CLEC1A: variants seen among roughly 807,000 people sequenced by gnomAD.
CLEC1A encodes C-type lectin domain family 1 member A, also known as C-type lectin-like receptor-1.
In CLEC1A, 34 loss-of-function variants were observed where a neutral mutation model predicts 28.7. The observed-to-expected ratio is 1.18, with a 90% CI of 0.90 to 1.57. CLEC1A has a LOEUF of 1.57. Among genes scored for constraint, CLEC1A ranks in the 40% most tolerant of loss-of-function variants. CLEC1A has a pLI of 0.00. For missense variants in CLEC1A, 385 were observed against 339.5 expected (o/e 1.13, Z -1.05); for synonymous variants, 116 against 121.0 (o/e 0.96, Z 0.27).
rs529127911 is a variant in CLEC1A at position 10,085,041 on chromosome 12, T to C, written c.215-3628A>G. Among the ~76,000 whole-genome samples, 7 of 152,104 alleles carry C rather than the reference T, an allele frequency of 4.6e-5. No homozygotes were observed. In the South Asian group the frequency reaches 1.2e-3, roughly 27 times the overall value. On this transcript the variant is annotated intron_variant, in intron 2 of 5. Transcript: ENST00000315330. ...TTCATAAATGAAAGAGAGATAATGT[T>C]TTTTTCAGAGAAACAAATGCTGCAA... is the stretch of plus-strand genomic sequence containing the variant.
chr12:10,098,752 C>A (rs1591927127), intron 1 of CLEC1A, 56 bp downstream of exon 1: 1 of 1,074,658 alleles, frequency 9.3e-7, no homozygotes, highest in Admixed American at 2.1e-5. Context: ...AGGGATAGAT[C>A]ATCTCACACA....
intron 1 of CLEC1A, among the ~76,000 whole-genome samples, chr12:10,096,547 T>A (rs1476641300): frequency 6.6e-6 from 1 of 152,156 alleles, no homozygotes; most frequent in Non-Finnish European, 1.5e-5. Context: ...TGCAAAATTT[T>A]GTTTCTCCCT....
At position 10,075,635 on chromosome 12, in the gene CLEC1A, T is replaced by C; in HGVS notation, c.412A>G (p.Thr138Ala). Reference sequence around the variant, plus strand: ...TCTCCATGCCATTTCCATTGTTCTGTACAAGGGCTGCACCTGTGTGCTTGG... The same window carrying C: ...TCTCCATGCCATTTCCATTGTTCTGCACAAGGGCTGCACCTGTGTGCTTGG... ...KAGAHRCSPC[T>A]EQWKWHGDNC... Residue 138 changes from threonine (T) to alanine (A), a missense_variant, in exon 4 of 6, where the codon ACA becomes GCA. Thr to Ala is a moderately conservative substitution (Grantham distance 58). Transcript: ENST00000315330. The C allele has an allele frequency of 6.2e-7, 1 of 1,614,010 alleles. No homozygotes were observed. The highest frequency in any genetic ancestry group is 8.5e-7 in the Non-Finnish European group (1 of 1,179,904).
chr12:10,092,747 GA>G (rs940072693), intron 1 of CLEC1A, among the ~76,000 whole-genome samples: 22 of 151,400 alleles, frequency 1.5e-4, no homozygotes, highest in Admixed American at 1.1e-3. Context: ...TTCATGAAAA[GA>G]AAAAAAATAC....
At chr12:10,083,986 C>T (rs982210776) in intron 2 of CLEC1A, among the ~76,000 whole-genome samples, 1 of 112,378 alleles carries the variant, frequency 8.9e-6, no homozygotes. Flanking sequence ...CCCAATCTGA[C>T]AAAGACAAAG....
At chr12:10,098,776 G>T in intron 1 of CLEC1A, 32 bp downstream of exon 1, 1 of 1,387,426 alleles carries the variant, frequency 7.2e-7, no homozygotes, top group Non-Finnish European at 1.0e-6. Context: ...CACAAGGACT[G>T]TGGTCTATTT....
intron 3 of CLEC1A, among the ~76,000 whole-genome samples, chr12:10,080,104 T>A (rs1332188350): frequency 6.6e-6 from 1 of 151,700 alleles, no homozygotes; most frequent in Admixed American, 6.6e-5. Context: ...AGGTTGGGAG[T>A]TCAAGACCAG....
At chr12:10,088,861 T>G (rs2137362310) in intron 2 of CLEC1A, among the ~76,000 whole-genome samples, 1 of 152,220 alleles carries the variant, frequency 6.6e-6, no homozygotes, top group South Asian at 2.1e-4. Context: ...AATAAATGAT[T>G]TTTTTTAAAC....
intron 2 of CLEC1A, among the ~76,000 whole-genome samples, chr12:10,086,869 A>C (rs570375339): frequency 5.3e-5 from 8 of 152,186 alleles, no homozygotes; most frequent in Non-Finnish European, 8.8e-5. Flanking sequence ...ACTACAGACC[A>C]ATATCCCTGA....
chr12:10,095,668 A>G (rs1359863141), intron 1 of CLEC1A, among the ~76,000 whole-genome samples: 1 of 152,206 alleles, frequency 6.6e-6, no homozygotes, highest in Non-Finnish European at 1.5e-5. Flanking sequence ...AAATTGTTAA[A>G]TAATCATTTT....
intron 1 of CLEC1A, among the ~76,000 whole-genome samples, chr12:10,093,851 C>T (rs1947741218): frequency 1.3e-5 from 2 of 152,182 alleles, no homozygotes; most frequent in South Asian, 2.1e-4. Flanking sequence ...TTCCTTAATC[C>T]TCACATATGG....
chr12:10,089,136 G>C lies in CLEC1A; in HGVS notation c.202C>G (p.Leu68Val), dbSNP rs773506085. ...AGCGCAGACTTACACAAAAGCCCCA[G>C]GGCTGCCAGCCCTATCAGCAGCACC... ...CLVLLIGLAA[L>V]GLLFFQYYQL... is the part of the protein sequence containing the mutation. Residue 68 changes from leucine to valine, a missense_variant, in exon 2 of 6, where the codon CTG (leucine) becomes GTG (valine). Physicochemically the swap from Leu to Val is conservative, Grantham distance 32. Coordinates refer to ENST00000315330, the MANE Select transcript of CLEC1A (RefSeq NM_016511.4). 10 of 1,613,672 alleles carry C rather than the reference G, an allele frequency of 6.2e-6. No homozygotes were observed. Among genetic ancestry groups the C allele is most frequent in the Non-Finnish European group, 8.5e-6 (10 of 1,179,768 alleles).
chr12:10,096,692 AT>A (rs1247392668), intron 1 of CLEC1A, among the ~76,000 whole-genome samples: 12 of 152,114 alleles, frequency 7.9e-5, no homozygotes, highest in African/African-American at 2.7e-4. Context: ...CACCTACGCC[AT>A]ACATATTGCT....
intron 1 of CLEC1A, chr12:10,092,306 T>C (rs1437176497): frequency 4.8e-6 from 1 of 206,830 alleles, no homozygotes; most frequent in Non-Finnish European, 1.0e-5. Flanking sequence ...GGGCCAGGAG[T>C]TCGAGACCAG....
rs191291725 is a variant in CLEC1A at position 10,070,835 on chromosome 12, A to T, written c.*498T>A. 6.6e-6 allele frequency: 1 copy of T among 152,560 alleles called. No homozygotes were observed. The highest frequency in any genetic ancestry group is 2.4e-5 in the African/African-American group (1 of 41,578). 9.5% of individuals were successfully genotyped at this position (152,560 alleles called of 1,614,324 possible). A position where few individuals can be genotyped will look rare whatever the true frequency, so the allele number is the denominator to read the frequency against. ...AGGCAGATGGGGTCTTTACTGATGG[A>T]TTGGGAAGGGACTAGTATGAACTGA... is the stretch of plus-strand genomic sequence containing the variant. On this transcript the variant is annotated 3_prime_UTR_variant, in exon 6 of 6. Transcript: ENST00000315330.
At chr12:10,097,350 G>C (rs1030447278) in intron 1 of CLEC1A, among the ~76,000 whole-genome samples, 3 of 152,082 alleles carry the variant, frequency 2.0e-5, no homozygotes, top group African/African-American at 7.2e-5. Flanking sequence ...AGTGATTTCT[G>C]CTGTTATTTT....
chr12:10,098,883 C>CAT lies in CLEC1A; in HGVS notation c.38_39dup (p.Asp14MetfsTer8), dbSNP rs760225217. On this transcript the variant is annotated frameshift_variant, in exon 1 of 6. Coordinates refer to ENST00000315330, the MANE Select transcript of CLEC1A (RefSeq NM_016511.4). LOFTEE classifies it high-confidence loss of function. ...AGGCTCATGGTGGTGTCCCCATCAT[C>CAT]ATCCAGCATGTCCCTCGTGCTGCTG... 1 of 1,613,736 alleles carries CAT rather than the reference C, an allele frequency of 6.2e-7. No individual in the cohort carries two copies. The highest frequency in any genetic ancestry group is 1.1e-5 in the South Asian group (1 of 90,954).
intron 2 of CLEC1A, among the ~76,000 whole-genome samples, chr12:10,085,016 T>A (rs1866456102): frequency 6.6e-6 from 1 of 151,990 alleles, no homozygotes; most frequent in Admixed American, 6.6e-5. Context: ...GAAACTGAGA[T>A]TCATAAATGA....
rs563887902 is a variant in CLEC1A, at chr12:10,095,792, C to G, written c.115+3016G>C. On this transcript the variant is annotated intron_variant, in intron 1 of 5. Coordinates refer to ENST00000315330, the MANE Select transcript of CLEC1A (RefSeq NM_016511.4). The stretch of plus-strand genomic sequence containing the variant: ...TTGAATTTATTGTCCTTCCATTACT[C>G]TAATTTTCCATTACTCTTGAATTTA... 4.1e-4 allele frequency among the ~76,000 whole-genome samples: 62 copies of G among 152,272 alleles called. 1 individual carries two copies. In the South Asian group the frequency reaches 0.012, roughly 31 times the overall value.
Sources: gnomAD v4.1 joint callset for allele counts (sites outside exome capture counted in the v4.1 genomes callset) on GRCh38, gnomAD v4.1.1 for gene constraint, MANE v1.5 for transcripts, NCBI Gene and HGNC (gene_info 2026-07-23, HGNC 2026-07-21) for gene names.